The following MAST2 variants were observed in gnomAD, a reference collection of about 807,000 sequenced individuals.
MAST2 encodes the protein microtubule associated serine/threonine kinase 2.
A neutral mutation model predicts 147.4 loss-of-function variants in MAST2; 70 were observed. The ratio of observed to expected loss-of-function variants is 0.47; its 90% CI spans 0.39 to 0.58. The LOEUF (loss-of-function observed/expected upper bound fraction) is 0.58, where lower values mean the gene tolerates loss of function less well. MAST2 is among the 20% of genes least tolerant of loss of function. MAST2 has a pLI of 0.00. For missense variants in MAST2, 2,080 were observed against 2,302.3 expected (o/e 0.90, Z 1.98); for synonymous variants, 869 against 896.8 (o/e 0.97, Z 0.55).
At chr1:45,852,369 T>C (rs1645650591) in intron 3 of MAST2, among the ~76,000 whole-genome samples, 1 of 152,202 alleles carries the variant, frequency 6.6e-6, no homozygotes, top group Admixed American at 6.5e-5. Flanking sequence ...TTTATATTTA[T>C]ATTTCCTTTT....
At chr1:45,814,889 T>C (rs540492649) in intron 1 of MAST2, among the ~76,000 whole-genome samples, 1 of 152,368 alleles carries the variant, frequency 6.6e-6, no homozygotes, top group African/African-American at 2.4e-5. Flanking sequence ...TTTGTGCATT[T>C]TCCCCTTCAG....
At chr1:45,804,596 G>A (rs1368691895) in intron 1 of MAST2, among the ~76,000 whole-genome samples, 1 of 152,152 alleles carries the variant, frequency 6.6e-6, no homozygotes, top group Non-Finnish European at 1.5e-5. Context: ...TCACAAGAAA[G>A]CACTTGTGAA....
At chr1:45,942,188 A>G (rs1657401794) in intron 4 of MAST2, among the ~76,000 whole-genome samples, 1 of 151,528 alleles carries the variant, frequency 6.6e-6, no homozygotes, top group Non-Finnish European at 1.5e-5. Context: ...GTTTTACAGA[A>G]TTAAAACATG....
intron 2 of MAST2, among the ~76,000 whole-genome samples, chr1:45,828,632 G>C (rs1428846682): frequency 1.3e-5 from 2 of 152,166 alleles, no homozygotes; most frequent in Non-Finnish European, 2.9e-5. Flanking sequence ...CATTTATAAA[G>C]TCATTGCAGG....
At chr1:45,885,665 A>G (rs980922555) in intron 4 of MAST2, among the ~76,000 whole-genome samples, 2 of 152,140 alleles carry the variant, frequency 1.3e-5, no homozygotes, top group African/African-American at 4.8e-5. Flanking sequence ...ATCAGTTACT[A>G]TATTTTTGTC....
rs374773194 is a variant in MAST2 at position 46,027,471 on chromosome 1, GA to G, written c.1920-258del. On this transcript the variant is annotated intron_variant, in intron 16 of 28. Coordinates refer to ENST00000361297, the MANE Select transcript of MAST2 (RefSeq NM_015112.3). ...CTGAATGACTCCTGCCCCCAACATAGAATACAGTTAGGGCAATAAGCAGAAA... is the reference window on the plus strand; with the variant it reads ...CTGAATGACTCCTGCCCCCAACATAGATACAGTTAGGGCAATAAGCAGAAA... Among the ~76,000 whole-genome samples, 532 of 152,276 alleles carry G rather than the reference GA, an allele frequency of 3.5e-3. 2 individuals carry two copies. The highest frequency in any genetic ancestry group is 0.012 in the African/African-American group (483 of 41,550).
intron 4 of MAST2, among the ~76,000 whole-genome samples, chr1:45,907,440 T>G (rs1336329386): frequency 6.6e-6 from 1 of 151,774 alleles, no homozygotes; most frequent in Non-Finnish European, 1.5e-5. Context: ...GCAAGGTATA[T>G]ATAACAAAAT....
intron 1 of MAST2, among the ~76,000 whole-genome samples, chr1:45,805,650 C>T (rs1291487900): frequency 6.6e-6 from 1 of 151,996 alleles, no homozygotes; most frequent in Non-Finnish European, 1.5e-5. Flanking sequence ...CTTGATTTTT[C>T]CCTCCTCTTT....
At chr1:45,808,581 C>T (rs1644206931) in intron 1 of MAST2, among the ~76,000 whole-genome samples, 1 of 152,184 alleles carries the variant, frequency 6.6e-6, no homozygotes, top group East Asian at 1.9e-4. Context: ...CTCGATTCTG[C>T]CTTCATGAAA....
Position 46,010,924 on chromosome 1 carries a change from G to T in MAST2, c.1173G>T (p.Glu391Asp). The T allele has an allele frequency of 6.2e-7, 1 of 1,614,104 alleles. No individual in the cohort carries two copies. Among genetic ancestry groups the T allele is most frequent in the South Asian group, 1.1e-5 (1 of 91,078 alleles). ...QYFYELQDNL[E>D]KLLQDAHERS... Reference sequence around the variant, plus strand: ...TCTACGAACTTCAAGATAATTTGGAGAAACTTTTACAAGATGTGAGTGTCC... The same window carrying T: ...TCTACGAACTTCAAGATAATTTGGATAAACTTTTACAAGATGTGAGTGTCC... The change falls in exon 10 of 29, where the codon GAG becomes GAT. Residue 391 changes from glutamate (E) to aspartate (D), a missense_variant. This residue lies in a region of MAST2 where 569 missense variants were observed against 642.5 expected (regional missense o/e 0.89). Coordinates refer to ENST00000361297, the MANE Select transcript of MAST2 (RefSeq NM_015112.3).
intron 1 of MAST2, among the ~76,000 whole-genome samples, chr1:45,804,354 T>G (rs1644076613): frequency 6.6e-6 from 1 of 152,134 alleles, no homozygotes; most frequent in Admixed American, 6.5e-5. Context: ...GGGCTGAGTG[T>G]GTGAGCTGCA....
At chr1:45,862,487 A>ATTTTTT (rs67344347) in intron 3 of MAST2, among the ~76,000 whole-genome samples, 5,081 of 136,098 alleles carry the variant, frequency 0.037, 141 homozygotes, top group Middle Eastern at 0.1. Flanking sequence ...AGGACTGAAG[A>ATTTTTT]TTTTTTTTTT....
chr1:45,895,564 A>G (rs547262033), intron 4 of MAST2, among the ~76,000 whole-genome samples: 1 of 152,356 alleles, frequency 6.6e-6, no homozygotes, highest in Non-Finnish European at 1.5e-5. Context: ...ATGTACATGG[A>G]TGGTCCACGT....
chr1:45,857,807 G>A (rs1438276391), intron 3 of MAST2, among the ~76,000 whole-genome samples: 1 of 139,658 alleles, frequency 7.2e-6, no homozygotes, highest in African/African-American at 2.7e-5. Flanking sequence ...GTGTCCAAGT[G>A]TTCTCATTGT....
chr1:45,998,402 C>G (rs755853945), intron 6 of MAST2, among the ~76,000 whole-genome samples: 1 of 152,210 alleles, frequency 6.6e-6, no homozygotes, highest in Non-Finnish European at 1.5e-5. Flanking sequence ...TGATAACAAA[C>G]CTGTCTCTGG....
In MAST2 at chr1:46,010,930, T is replaced by G; in HGVS notation, c.1179T>G (p.Leu393=). ...FYELQDNLEK[L]LQDAHERSES... ...AACTTCAAGATAATTTGGAGAAACT[T>G]TTACAAGATGTGAGTGTCCTTGTGC... The change falls in exon 10 of 29, where the codon CTT becomes CTG. Residue 393 remains leucine (L), a synonymous_variant. Coordinates refer to ENST00000361297, the MANE Select transcript of MAST2 (RefSeq NM_015112.3). 1 of 1,613,874 alleles carries G rather than the reference T, an allele frequency of 6.2e-7. No homozygotes were observed. The highest frequency in any genetic ancestry group is 8.5e-7 in the Non-Finnish European group (1 of 1,179,760).
intron 1 of MAST2, among the ~76,000 whole-genome samples, chr1:45,818,678 C>T (rs1368188943): frequency 6.6e-6 from 1 of 152,202 alleles, no homozygotes; most frequent in Non-Finnish European, 1.5e-5. Context: ...TCGGCCACTA[C>T]ACTCCTCACC....
intron 3 of MAST2, among the ~76,000 whole-genome samples, chr1:45,841,084 T>C (rs919515836): frequency 6.6e-6 from 1 of 151,866 alleles, no homozygotes; most frequent in African/African-American, 2.4e-5. Flanking sequence ...TCCCCACCTT[T>C]CCCGGAAGCT....
intron 4 of MAST2, among the ~76,000 whole-genome samples, chr1:45,885,264 T>C (rs116535003): frequency 1.6e-4 from 24 of 152,302 alleles, no homozygotes; most frequent in African/African-American, 5.5e-4. Flanking sequence ...GCGAATCCTA[T>C]GGTGTGCTCA....
Sources: gnomAD v4.1 joint callset for allele counts (sites outside exome capture counted in the v4.1 genomes callset) on GRCh38, gnomAD v4.1.1 for gene constraint, gnomAD v4.1.1 regional missense constraint, MANE v1.5 for transcripts, NCBI Gene and HGNC (gene_info 2026-07-23, HGNC 2026-07-21) for gene names.